CCSER1: variants seen among roughly 807,000 people sequenced by gnomAD.
CCSER1 encodes the protein serine-rich coiled-coil domain-containing protein 1.
CCSER1 carries 41 observed loss-of-function variants against 82.0 expected under a neutral mutation model. That is an observed-to-expected ratio of 0.50 (90% CI 0.39 to 0.65). The LOEUF (loss-of-function observed/expected upper bound fraction) is 0.65, where lower values mean the gene tolerates loss of function less well. CCSER1 is among the 30% of genes least tolerant of loss of function. The probability of loss-of-function intolerance (pLI) is 0.00; values close to 1 mark genes in which losing one functional copy is unlikely to be tolerated. For synonymous variants in CCSER1, 414 were observed against 383.9 expected (o/e 1.08, Z -0.92); for missense variants, 1,119 against 1,064.2 (o/e 1.05, Z -0.72).
chr4:90,907,967 T>G (rs1725751931), intron 8 of CCSER1, among the ~76,000 whole-genome samples: 1 of 152,150 alleles, frequency 6.6e-6, no homozygotes, highest in Admixed American at 6.6e-5. Context: ...TCCAGCCTTA[T>G]GCATATTCTC....
intron 3 of CCSER1, among the ~76,000 whole-genome samples, chr4:90,394,154 A>C (rs573294778): frequency 2.3e-4 from 35 of 151,056 alleles, no homozygotes; most frequent in African/African-American, 8.0e-4. Context: ...TGCCATTAGG[A>C]ACAATGATCT....
intron 1 of CCSER1, among the ~76,000 whole-genome samples, chr4:90,227,969 C>CAGT (rs1462574751): frequency 6.6e-6 from 1 of 152,196 alleles, no homozygotes; most frequent in Non-Finnish European, 1.5e-5. Context: ...CTCGGAGGGT[C>CAGT]CTACGCCCAT....
rs1321546297 is a variant in CCSER1, at chr4:90,933,012, GAA to G, written c.2172+9567_2172+9568del. ...AGAAAGAAAGAAAGAAAGAAAGAAAGAAAGAAAGAAAGAAAGAAAGAAAGAAA... is the reference window on the plus strand; with the variant it reads ...AGAAAGAAAGAAAGAAAGAAAGAAAGAGAAAGAAAGAAAGAAAGAAAGAAA... On this transcript the variant is annotated intron_variant, in intron 9 of 10. Coordinates refer to ENST00000509176, the MANE Select transcript of CCSER1 (RefSeq NM_001145065.2). Among the ~76,000 whole-genome samples the G allele has an allele frequency of 2.8e-4, 22 of 78,458 alleles. 7 individuals carry two copies. The highest frequency in any genetic ancestry group is 2.1e-3 in the African/African-American group (22 of 10,700). 51.5% of individuals were successfully genotyped at this position (78,458 alleles called of 152,430 possible).
At chr4:91,389,397 T>C (rs1286314181) in intron 10 of CCSER1, among the ~76,000 whole-genome samples, 1 of 152,044 alleles carries the variant, frequency 6.6e-6, no homozygotes. Flanking sequence ...TGTATGTGGG[T>C]CTATTTCTGG....
chr4:91,169,267 C>A (rs115721315), intron 10 of CCSER1, among the ~76,000 whole-genome samples: 2 of 151,352 alleles, frequency 1.3e-5, no homozygotes, highest in Non-Finnish European at 2.9e-5. Flanking sequence ...CACATGTCCT[C>A]TAATTTCTCT....
At chr4:90,341,153 A>G (rs1741305697) in intron 3 of CCSER1, among the ~76,000 whole-genome samples, 1 of 152,108 alleles carries the variant, frequency 6.6e-6, no homozygotes, top group South Asian at 2.1e-4. Context: ...AAATCACTCC[A>G]TTTAGAAGAT....
At chr4:90,655,558 T>A (rs1729555281) in intron 6 of CCSER1, among the ~76,000 whole-genome samples, 1 of 152,022 alleles carries the variant, frequency 6.6e-6, no homozygotes, top group African/African-American at 2.4e-5. Context: ...TTGCTCTCTT[T>A]CTCTCTCTTA....
At chr4:91,201,832 G>A (rs970966736) in intron 10 of CCSER1, among the ~76,000 whole-genome samples, 4 of 152,008 alleles carry the variant, frequency 2.6e-5, no homozygotes, top group Non-Finnish European at 5.9e-5. Flanking sequence ...TTAGGATAAT[G>A]AAATTCCAGC....
At chr4:91,439,287 C>G (rs1333107114) in intron 10 of CCSER1, among the ~76,000 whole-genome samples, 1 of 152,124 alleles carries the variant, frequency 6.6e-6, no homozygotes, top group Non-Finnish European at 1.5e-5. Flanking sequence ...GATCTCTCGG[C>G]AGAAACTCTA....
intron 8 of CCSER1, among the ~76,000 whole-genome samples, chr4:90,902,311 A>G (rs1483185814): frequency 6.6e-6 from 1 of 151,984 alleles, no homozygotes; most frequent in Non-Finnish European, 1.5e-5. Context: ...AATTTTGGTT[A>G]GGATCCATTG....
intron 5 of CCSER1, among the ~76,000 whole-genome samples, chr4:90,479,342 A>T (rs1338264555): frequency 6.6e-6 from 1 of 151,284 alleles, no homozygotes; most frequent in Non-Finnish European, 1.5e-5. Flanking sequence ...TGTTCTACTT[A>T]GTGTCATTAG....
intron 1 of CCSER1, among the ~76,000 whole-genome samples, chr4:90,161,961 G>A (rs1729539948): frequency 6.6e-6 from 1 of 152,020 alleles, no homozygotes; most frequent in African/African-American, 2.4e-5. Context: ...CAAGCAAGTA[G>A]ACAAATGTTG....
chr4:90,271,848 ATATATATATATATATTTTTTTTTT>A (rs1434866032), intron 1 of CCSER1, among the ~76,000 whole-genome samples: 9 of 23,352 alleles, frequency 3.9e-4, no homozygotes, highest in African/African-American at 3.6e-3. Flanking sequence ...ATATATATAT[ATATATATATATATATTTTTTTTTT>A]TTTTTTTTTT....
intron 8 of CCSER1, among the ~76,000 whole-genome samples, chr4:90,843,232 A>G (rs957745786): frequency 9.9e-6 from 1 of 101,510 alleles, no homozygotes; most frequent in Admixed American, 9.1e-5. Context: ...TAAATGAGTC[A>G]GTGAAAAAAA....
intron 1 of CCSER1, among the ~76,000 whole-genome samples, chr4:90,188,965 A>G (rs1304693917): frequency 6.6e-6 from 1 of 151,936 alleles, no homozygotes; most frequent in Admixed American, 6.6e-5. Context: ...CACAATAAAG[A>G]GGACTTGAGG....
At chr4:90,616,734 CACACAAATAAA>C (rs1256548753) in intron 5 of CCSER1, among the ~76,000 whole-genome samples, 3 of 64,156 alleles carry the variant, frequency 4.7e-5, no homozygotes, top group East Asian at 5.3e-4. Context: ...CACACACACA[CACACAAATAAA>C]ATAAAATAAA....
At chr4:90,871,133 A>G (rs1171919374) in intron 8 of CCSER1, among the ~76,000 whole-genome samples, 1 of 145,954 alleles carries the variant, frequency 6.9e-6, no homozygotes, top group Non-Finnish European at 1.5e-5. Flanking sequence ...TTAACTTTTC[A>G]TTTTGTTGAT....
intron 10 of CCSER1, among the ~76,000 whole-genome samples, chr4:91,443,772 A>C (rs969792504): frequency 6.7e-6 from 1 of 149,164 alleles, no homozygotes; most frequent in Non-Finnish European, 1.5e-5. Flanking sequence ...TATATAATTC[A>C]TTTCAGATAA....
intron 5 of CCSER1, among the ~76,000 whole-genome samples, chr4:90,613,395 A>G (rs572367094): frequency 3.7e-4 from 57 of 152,302 alleles, no homozygotes; most frequent in African/African-American, 1.3e-3. Context: ...AGAAGAATAT[A>G]TTACCAAATG....
Sources: allele counts gnomAD v4.1 joint callset (sites outside exome capture counted in the v4.1 genomes callset), GRCh38; gene constraint gnomAD v4.1.1; transcripts MANE v1.5; gene names NCBI Gene and HGNC (gene_info 2026-07-23, HGNC 2026-07-21).